The following CACNA2D1 variants were observed in gnomAD, a reference collection of about 807,000 sequenced individuals.
CACNA2D1 encodes the protein voltage-dependent calcium channel subunit alpha-2/delta-1.
In CACNA2D1, 53 loss-of-function variants were observed where a neutral mutation model predicts 171.5. The observed-to-expected ratio is 0.31, with a 90% confidence interval of 0.25 to 0.39. The LOEUF is 0.39. CACNA2D1 is among the 10% of genes least tolerant of loss of function. The pLI is 1.00. For synonymous variants in CACNA2D1, 442 were observed against 443.1 expected (o/e 1.00, Z 0.03); for missense variants, 903 against 1,299.8 (o/e 0.69, Z 4.69).
At chr7:82,366,981 A>T (rs1821810469) in intron 1 of CACNA2D1, among the ~76,000 whole-genome samples, 1 of 132,940 alleles carries the variant, frequency 7.5e-6, no homozygotes, top group African/African-American at 2.9e-5. Context: ...AAAAGGGCTT[A>T]CTGCAGCCTC....
intron 3 of CACNA2D1, among the ~76,000 whole-genome samples, chr7:82,218,226 G>C (rs568141558): frequency 6.6e-6 from 1 of 152,222 alleles, no homozygotes; most frequent in South Asian, 2.1e-4. Context: ...AAGCCACCGT[G>C]TCCGGCCGAC....
chr7:82,081,398 A>G (rs1283813550), intron 7 of CACNA2D1, among the ~76,000 whole-genome samples: 1 of 152,180 alleles, frequency 6.6e-6, no homozygotes, highest in Non-Finnish European at 1.5e-5. Flanking sequence ...AAGTTATGAC[A>G]TTGTCTCAAT....
chr7:81,963,963 T>C, intron 34 of CACNA2D1, 93 bp downstream of exon 34: 5 of 998,454 alleles, frequency 5.0e-6, no homozygotes, highest in Non-Finnish European at 6.2e-6. Flanking sequence ...TAATAAAAAT[T>C]TGAATATCCC....
At chr7:82,409,993 A>G (rs958262472) in intron 1 of CACNA2D1, among the ~76,000 whole-genome samples, 1 of 152,230 alleles carries the variant, frequency 6.6e-6, no homozygotes, top group African/African-American at 2.4e-5. Context: ...GTATATTTAA[A>G]CATATGTCAA....
At chr7:82,128,200 G>A (rs962360195) in intron 5 of CACNA2D1, among the ~76,000 whole-genome samples, 1 of 151,992 alleles carries the variant, frequency 6.6e-6, no homozygotes, top group East Asian at 1.9e-4. Flanking sequence ...GAAGTGCTGG[G>A]ATTACAGGTG....
chr7:82,124,793 G>T (rs1336246528), intron 5 of CACNA2D1, among the ~76,000 whole-genome samples: 1 of 151,952 alleles, frequency 6.6e-6, no homozygotes, highest in Non-Finnish European at 1.5e-5. Flanking sequence ...CCCTCCACCG[G>T]TAACACCTAG....
intron 10 of CACNA2D1, among the ~76,000 whole-genome samples, chr7:82,040,527 A>G (rs1482882632): frequency 1.3e-5 from 2 of 152,010 alleles, no homozygotes; most frequent in Admixed American, 1.3e-4. Context: ...AAAACAAAAA[A>G]AAGTAGAGTA....
At chr7:82,395,521 C>T (rs1825672549) in intron 1 of CACNA2D1, among the ~76,000 whole-genome samples, 2 of 152,164 alleles carry the variant, frequency 1.3e-5, no homozygotes, top group South Asian at 2.1e-4. Context: ...CTCATATAAG[C>T]ATGTAAGGCA....
At chr7:82,077,938 T>C (rs1809205369) in intron 7 of CACNA2D1, among the ~76,000 whole-genome samples, 1 of 152,168 alleles carries the variant, frequency 6.6e-6, no homozygotes, top group Non-Finnish European at 1.5e-5. Flanking sequence ...TATCATCTGC[T>C]ATTTGATGCT....
intron 4 of CACNA2D1, among the ~76,000 whole-genome samples, chr7:82,163,012 C>T (rs1173067690): frequency 1.3e-5 from 2 of 152,014 alleles, no homozygotes; most frequent in Non-Finnish European, 2.9e-5. Context: ...CTCTTTCCCA[C>T]AGTAATATTA....
intron 1 of CACNA2D1, among the ~76,000 whole-genome samples, chr7:82,371,288 T>C (rs988162389): frequency 1.3e-5 from 2 of 152,212 alleles, no homozygotes; most frequent in Admixed American, 1.3e-4. Flanking sequence ...GTAAAGTTCA[T>C]GCGCTCTGGG....
At chr7:82,085,207 T>G (rs2129011955) in intron 6 of CACNA2D1, among the ~76,000 whole-genome samples, 1 of 152,312 alleles carries the variant, frequency 6.6e-6, no homozygotes, top group East Asian at 1.9e-4. Context: ...TTCTTTGTTG[T>G]GAGGTCTAAT....
intron 3 of CACNA2D1, among the ~76,000 whole-genome samples, chr7:82,275,201 A>G (rs563979522): frequency 6.6e-6 from 1 of 152,076 alleles, no homozygotes; most frequent in East Asian, 1.9e-4. Context: ...TAAAAGATCA[A>G]AATTTACTTA....
rs1437544059 is a variant in CACNA2D1 at position 81,968,835 on chromosome 7, C to T, written c.2395+52G>A. The T allele has an allele frequency of 1.3e-5, 13 of 982,812 alleles. No homozygotes were observed. The South Asian group carries it at 1.4e-4, about 11-fold the overall frequency. The allele number at this position is 982,812 out of a possible 1,614,324, so 60.9% of individuals were successfully genotyped here. A position where few individuals can be genotyped will look rare whatever the true frequency, so the allele number is the denominator to read the frequency against. On this transcript the variant is annotated intron_variant, in intron 29 of 38. Transcript: ENST00000356860. The stretch of plus-strand genomic sequence containing the variant: ...ACATTGCCAGTTTATAATATAAATG[C>T]CAAGTAACATTTAATTTTGATTGTG...
chr7:81,985,543 C>G (rs1252560136), intron 21 of CACNA2D1, among the ~76,000 whole-genome samples: 1 of 152,030 alleles, frequency 6.6e-6, no homozygotes, highest in Non-Finnish European at 1.5e-5. Context: ...ATTAAATAAC[C>G]ACTATTTTAA....
rs759010323 is a variant in CACNA2D1, at chr7:82,226,029, A to AT, written c.295-55421dup. On this transcript the variant is annotated intron_variant, in intron 3 of 38. Coordinates refer to ENST00000356860, the MANE Select transcript of CACNA2D1 (RefSeq NM_000722.4). The stretch of plus-strand genomic sequence containing the variant: ...AACCTAACATAATTGTATTTTAATT[A>AT]TTTTTTTTGAAATGTATCAAATAGG... Among the ~76,000 whole-genome samples the AT allele has an allele frequency of 3.0e-3, 452 of 150,328 alleles. 1 individual carries two copies. The highest frequency in any genetic ancestry group is 4.0e-3 in the Non-Finnish European group (273 of 67,968).
At chr7:82,373,383 C>A (rs1263685544) in intron 1 of CACNA2D1, among the ~76,000 whole-genome samples, 2 of 152,198 alleles carry the variant, frequency 1.3e-5, no homozygotes, top group Non-Finnish European at 2.9e-5. Context: ...CAAAAACACT[C>A]CACACACTTA....
chr7:82,065,767 T>G (rs1266853350), intron 8 of CACNA2D1, among the ~76,000 whole-genome samples: 1 of 152,198 alleles, frequency 6.6e-6, no homozygotes, highest in Non-Finnish European at 1.5e-5. Context: ...CTCATGAATA[T>G]GTACTCAAAA....
intron 1 of CACNA2D1, among the ~76,000 whole-genome samples, chr7:82,378,936 C>CGTGTG (rs1823337220): frequency 8.9e-6 from 1 of 112,334 alleles, no homozygotes; most frequent in Admixed American, 1.1e-4. Context: ...CAGGGGTTGA[C>CGTGTG]TCGTGTGTGT....
Sources: gnomAD v4.1 joint callset for allele counts (sites outside exome capture counted in the v4.1 genomes callset) on GRCh38, gnomAD v4.1.1 for gene constraint, MANE v1.5 for transcripts, NCBI Gene and HGNC (gene_info 2026-07-23, HGNC 2026-07-21) for gene names.